Variants in BANK1 observed in about 807,000 individuals in gnomAD.
The protein encoded by BANK1 is B-cell scaffold protein with ankyrin repeats.
Under a neutral mutation model 94.5 loss-of-function variants are expected in BANK1, and 95 were observed. That is an observed-to-expected ratio of 1.00 (90% CI 0.85 to 1.19). BANK1 has a LOEUF of 1.19. BANK1 is among the 50% of genes most tolerant of loss of function. The probability of loss-of-function intolerance (pLI) is 0.00; values close to 1 mark genes in which losing one functional copy is unlikely to be tolerated. For missense variants in BANK1, 987 were observed against 932.2 expected, an observed-to-expected ratio of 1.06 and a Z score of -0.77; for synonymous variants, 334 against 308.4, an observed-to-expected ratio of 1.08 and a Z score of -0.87.
At chr4:101,890,057 T>G (rs1721792393) in intron 5 of BANK1, among the ~76,000 whole-genome samples, 1 of 152,166 alleles carries the variant, frequency 6.6e-6, no homozygotes, top group Admixed American at 6.5e-5. Flanking sequence ...TCTAAATTTG[T>G]TAATATTTGT....
chr4:101,929,796 A>G (rs1045361285), intron 7 of BANK1, among the ~76,000 whole-genome samples: 1 of 151,464 alleles, frequency 6.6e-6, no homozygotes, highest in Non-Finnish European at 1.5e-5. Context: ...GGGGGGGACT[A>G]AAAATGAATA....
intron 7 of BANK1, among the ~76,000 whole-genome samples, chr4:101,970,710 C>T (rs1167171039): frequency 6.6e-6 from 1 of 152,036 alleles, no homozygotes; most frequent in Non-Finnish European, 1.5e-5. Flanking sequence ...CTCCACAGTC[C>T]CCACTGGGAA....
chr4:101,956,610 G>A (rs1399023659), intron 7 of BANK1, among the ~76,000 whole-genome samples: 1 of 152,024 alleles, frequency 6.6e-6, no homozygotes, highest in Non-Finnish European at 1.5e-5. Flanking sequence ...TTGGAGAAGC[G>A]GCAGGCTAAC....
chr4:101,869,719 C>T (rs2148880633), intron 4 of BANK1, among the ~76,000 whole-genome samples: 1 of 151,934 alleles, frequency 6.6e-6, no homozygotes, highest in Admixed American at 6.6e-5. Context: ...GGAAATATCT[C>T]AATGACAGAT....
chr4:101,803,783 G>T (rs1198600525), intron 1 of BANK1, among the ~76,000 whole-genome samples: 1 of 151,350 alleles, frequency 6.6e-6, no homozygotes, highest in Non-Finnish European at 1.5e-5. Context: ...GGATCACGAG[G>T]TCAGGAGATC....
intron 7 of BANK1, among the ~76,000 whole-genome samples, chr4:101,923,327 A>G (rs1336625588): frequency 1.3e-5 from 2 of 151,788 alleles, no homozygotes; most frequent in African/African-American, 4.8e-5. Context: ...TTACATAGAC[A>G]TATAGTTTTG....
At chr4:101,979,545 T>C (rs980808901) in intron 7 of BANK1, among the ~76,000 whole-genome samples, 1 of 151,784 alleles carries the variant, frequency 6.6e-6, no homozygotes, top group Admixed American at 6.6e-5. Flanking sequence ...TGAGAGAAAA[T>C]CATAAAGGGT....
At chr4:101,950,064 CGT>C (rs1215636255) in intron 7 of BANK1, among the ~76,000 whole-genome samples, 5 of 116,702 alleles carry the variant, frequency 4.3e-5, no homozygotes, top group African/African-American at 2.4e-4. Context: ...TGTGTGTGCG[CGT>C]GCGCGCGCAT....
At chr4:101,925,643 G>A (rs1381264739) in intron 7 of BANK1, among the ~76,000 whole-genome samples, 1 of 151,602 alleles carries the variant, frequency 6.6e-6, no homozygotes. Context: ...TCACATGCTG[G>A]CAGTCTCCAG....
chr4:101,978,936 T>A (rs77446704), intron 7 of BANK1, among the ~76,000 whole-genome samples: 1,701 of 152,188 alleles, frequency 0.011, 41 homozygotes, highest in African/African-American at 0.039. Flanking sequence ...TTCCTACTTG[T>A]ATTTAAAATT....
At chr4:102,011,754 A>G (rs1188546717) in intron 7 of BANK1, among the ~76,000 whole-genome samples, 1 of 152,170 alleles carries the variant, frequency 6.6e-6, no homozygotes, top group Admixed American at 6.5e-5. Context: ...CTGCAAATTT[A>G]TATTTTAAGA....
intron 11 of BANK1, among the ~76,000 whole-genome samples, chr4:102,045,358 G>A (rs1727844624): frequency 6.6e-6 from 1 of 152,114 alleles, no homozygotes; most frequent in Non-Finnish European, 1.5e-5. Flanking sequence ...AAAACTGGAA[G>A]CATTCCCTTT....
rs548186744 is a variant in BANK1 at position 101,933,487 on chromosome 4, T to G, written c.1206+15298T>G. 1.3e-5 allele frequency among the ~76,000 whole-genome samples: 2 copies of G among 151,556 alleles called. 1 individual carries two copies. The highest frequency in any genetic ancestry group is 4.2e-4 in the South Asian group (2 of 4,816). ...TGTTATGTCTGTAGCCTAATAAAGG[T>G]GAGTATTTTCCAGGGCAGTGGTTCT... On this transcript the variant is annotated intron_variant, in intron 7 of 16. Coordinates refer to ENST00000322953, the MANE Select transcript of BANK1 (RefSeq NM_017935.5).
intron 1 of BANK1, among the ~76,000 whole-genome samples, chr4:101,791,997 A>G (rs1725003804): frequency 6.6e-6 from 1 of 152,198 alleles, no homozygotes; most frequent in African/African-American, 2.4e-5. Context: ...CTTTGCTAGC[A>G]TCTATAAATA....
chr4:102,034,549 T>C (rs1388304180), intron 10 of BANK1, among the ~76,000 whole-genome samples: 4 of 152,212 alleles, frequency 2.6e-5, no homozygotes, highest in African/African-American at 7.2e-5. Flanking sequence ...GTTTAGTGTC[T>C]GTTTCTTGGA....
chr4:101,906,467 C>A (rs1722453685), intron 6 of BANK1, among the ~76,000 whole-genome samples: 1 of 152,130 alleles, frequency 6.6e-6, no homozygotes, highest in Non-Finnish European at 1.5e-5. Flanking sequence ...ACTGGGGCAA[C>A]CACTTTTTGC....
chr4:102,017,448 A>G (rs1726743574), intron 7 of BANK1, among the ~76,000 whole-genome samples: 1 of 152,240 alleles, frequency 6.6e-6, no homozygotes, highest in Non-Finnish European at 1.5e-5. Flanking sequence ...AAGAGCTTTC[A>G]GCACTGGGAC....
chr4:101,985,534 G>A (rs1235858925), intron 7 of BANK1, among the ~76,000 whole-genome samples: 1 of 151,838 alleles, frequency 6.6e-6, no homozygotes, highest in Non-Finnish European at 1.5e-5. Flanking sequence ...TCATAATATT[G>A]GGTAAAGGGT....
intron 7 of BANK1, among the ~76,000 whole-genome samples, chr4:101,961,311 C>T (rs2148919028): frequency 6.6e-6 from 1 of 152,268 alleles, no homozygotes; most frequent in South Asian, 2.1e-4. Flanking sequence ...AAGTTAGCGT[C>T]AGCCATGTCC....
Sources: gnomAD v4.1 joint callset for allele counts (sites outside exome capture counted in the v4.1 genomes callset) on GRCh38, gnomAD v4.1.1 for gene constraint, MANE v1.5 for transcripts, NCBI Gene and HGNC (gene_info 2026-07-23, HGNC 2026-07-21) for gene names.